P2RY8: variants seen among roughly 807,000 people sequenced by gnomAD.
P2RY8 encodes P2Y receptor family member 8.
Under a neutral mutation model 10.0 loss-of-function variants are expected in P2RY8, and 6 were observed. That is an observed-to-expected ratio of 0.60 (90% CI 0.33 to 1.19). P2RY8 has a LOEUF of 1.19. Among genes scored for constraint, P2RY8 ranks in the 50% most tolerant of loss-of-function variants. The pLI is 0.04. For synonymous variants in P2RY8, 276 were observed against 252.5 expected (o/e 1.09, Z -0.88); for missense variants, 456 against 542.0 (o/e 0.84, Z 1.58).
At chrX:1,521,944 C>CTT (rs751056296) in intron 1 of P2RY8, among the ~76,000 whole-genome samples, 1,167 of 38,922 alleles carry the variant, frequency 0.03, 172 homozygotes, top group African/African-American at 0.09. Context: ...CTCTCGCTCT[C>CTT]TTTTTTTTTT....
intron 1 of P2RY8, among the ~76,000 whole-genome samples, chrX:1,467,418 G>A (rs1208401288): frequency 3.9e-5 from 6 of 152,150 alleles, no homozygotes; most frequent in Non-Finnish European, 5.9e-5. Flanking sequence ...GTGCCCAGGT[G>A]TGAAACCTAC....
chrX:1,534,584 C>T lies in P2RY8; in HGVS notation c.-25+2337G>A, dbSNP rs144711714. Among the ~76,000 whole-genome samples the T allele has an allele frequency of 4.7e-3, 709 of 152,118 alleles. 9 individuals are homozygous for T. The highest frequency in any genetic ancestry group is 0.016 in the African/African-American group (683 of 41,474). ...GGACCCTGCCCCGCCCACCCCACTG[C>T]CTCTAGGGACAGAAGAGGGGCTGGG... is the stretch of plus-strand genomic sequence containing the variant. On this transcript the variant is annotated intron_variant, in intron 1 of 1. Transcript: ENST00000381297.
chrX:1,488,426 G>A (rs1254563107), intron 1 of P2RY8, among the ~76,000 whole-genome samples: 1 of 152,160 alleles, frequency 6.6e-6, no homozygotes, highest in Admixed American at 6.6e-5. Context: ...TCCCCACAGC[G>A]GTGGGACCAA....
chrX:1,514,705 T>C (rs868552980), intron 1 of P2RY8, among the ~76,000 whole-genome samples: 3 of 14,512 alleles, frequency 2.1e-4, no homozygotes, highest in Non-Finnish European at 4.9e-4. Context: ...CTTCCCTTCC[T>C]TCCCTTCCTT....
chrX:1,516,874 C>G lies in P2RY8; in HGVS notation c.-25+20047G>C, dbSNP rs191774231. Among the ~76,000 whole-genome samples, 706 of 151,356 alleles carry G rather than the reference C, an allele frequency of 4.7e-3. 4 individuals are homozygous for G. Among genetic ancestry groups the G allele is most frequent in the Non-Finnish European group, 7.8e-3 (531 of 67,882 alleles). ...TCAGGAGGAACCAGCCCTGCCCGTT[C>G]GCTGATCTCAGACTTCCAGCCTCCA... On this transcript the variant is annotated intron_variant, in intron 1 of 1. Coordinates refer to ENST00000381297, the MANE Select transcript of P2RY8 (RefSeq NM_178129.5).
chrX:1,518,544 C>A lies in P2RY8; in HGVS notation c.-25+18377G>T, dbSNP rs578060722. Among the ~76,000 whole-genome samples the A allele has an allele frequency of 3.3e-5, 5 of 151,572 alleles. No homozygotes were observed. In the South Asian group the frequency reaches 1.0e-3, roughly 32 times the overall value. On this transcript the variant is annotated intron_variant, in intron 1 of 1. Transcript: ENST00000381297. ...ATTCCCCAAAAGCTCCCTAGTCCCC[C>A]AAAACCTGTCTGTTTCCCCAAAATC...
At chrX:1,515,955 G>GGGA (rs1556684148) in intron 1 of P2RY8, among the ~76,000 whole-genome samples, 2 of 113,592 alleles carry the variant, frequency 1.8e-5, no homozygotes, top group African/African-American at 5.9e-5. Context: ...GTCGGGGGGT[G>GGGA]GTGGATCACC....
chrX:1,500,243 G>A (rs772260009), intron 1 of P2RY8, among the ~76,000 whole-genome samples: 6 of 151,556 alleles, frequency 4.0e-5, no homozygotes, highest in Non-Finnish European at 1.5e-5. Flanking sequence ...ATTCTTTTTG[G>A]TGTTATTGTT....
intron 1 of P2RY8, among the ~76,000 whole-genome samples, chrX:1,487,048 G>A (rs1435270674): frequency 1.3e-5 from 2 of 152,226 alleles, no homozygotes; most frequent in African/African-American, 4.8e-5. Flanking sequence ...TCCCTACCGG[G>A]GTGTCTGGGG....
Position 1,514,891 on chromosome X carries a change from C to T in P2RY8, c.-25+22030G>A, listed in dbSNP as rs1360516352. On this transcript the variant is annotated intron_variant, in intron 1 of 1. Coordinates refer to ENST00000381297, the MANE Select transcript of P2RY8 (RefSeq NM_178129.5). ...CCCTTCCCCTGTCTTCCTCTCCCCT[C>T]CCCTTCCCCTCCCCTCCCCTTCCCT... is the stretch of plus-strand genomic sequence containing the variant. Among the ~76,000 whole-genome samples the T allele has an allele frequency of 4.6e-4, 12 of 26,276 alleles. No homozygotes were observed. In the East Asian group the frequency reaches 7.1e-3, roughly 16 times the overall value. The allele number at this position is 26,276 out of a possible 152,430, so 17.2% of individuals were successfully genotyped here. A position where few individuals can be genotyped will look rare whatever the true frequency, so the allele number is the denominator to read the frequency against.
At chrX:1,485,441 TTAA>T (rs2091977764) in intron 1 of P2RY8, among the ~76,000 whole-genome samples, 1 of 152,120 alleles carries the variant, frequency 6.6e-6, no homozygotes, top group Non-Finnish European at 1.5e-5. Flanking sequence ...GCCCAGCCCC[TTAA>T]TGATGCCTTA....
chrX:1,495,527 C>A (rs1489704398), intron 1 of P2RY8, among the ~76,000 whole-genome samples: 1 of 149,582 alleles, frequency 6.7e-6, no homozygotes, highest in African/African-American at 2.5e-5. Context: ...AGGAACCAGC[C>A]CTGCCCATAC....
chrX:1,518,266 A>G (rs2092365503), intron 1 of P2RY8, among the ~76,000 whole-genome samples: 1 of 150,686 alleles, frequency 6.6e-6, no homozygotes, highest in South Asian at 2.1e-4. Flanking sequence ...TCTCTACTAA[A>G]AATACAAAAA....
At chrX:1,524,563 A>G (rs2092420207) in intron 1 of P2RY8, among the ~76,000 whole-genome samples, 2 of 135,778 alleles carry the variant, frequency 1.5e-5, no homozygotes, top group African/African-American at 5.4e-5. Context: ...GCATGCATCC[A>G]TCCATCCATC....
intron 1 of P2RY8, among the ~76,000 whole-genome samples, chrX:1,525,788 A>C (rs1249476453): frequency 2.6e-5 from 4 of 151,920 alleles, no homozygotes; most frequent in African/African-American, 7.3e-5. Flanking sequence ...CCATCCATCC[A>C]TCCATTTATC....
At chrX:1,502,971 A>C (rs2092194664) in intron 1 of P2RY8, among the ~76,000 whole-genome samples, 1 of 152,110 alleles carries the variant, frequency 6.6e-6, no homozygotes, top group African/African-American at 2.4e-5. Context: ...TAGAGCCCAG[A>C]ACCTGGAATG....
chrX:1,469,090 CT>C (rs1265458116), intron 1 of P2RY8, among the ~76,000 whole-genome samples: 1 of 30,232 alleles, frequency 3.3e-5, no homozygotes, highest in Admixed American at 3.4e-4. Context: ...CCTCTCTCCT[CT>C]CCTTCCCTCT....
At chrX:1,501,889 G>A (rs1188166270) in intron 1 of P2RY8, among the ~76,000 whole-genome samples, 11 of 151,712 alleles carry the variant, frequency 7.3e-5, no homozygotes, top group East Asian at 3.9e-4. Context: ...CACCACGCCC[G>A]GCGAGTTTTC....
At chrX:1,467,219 G>A (rs2091698016) in intron 1 of P2RY8, among the ~76,000 whole-genome samples, 3 of 152,098 alleles carry the variant, frequency 2.0e-5, no homozygotes, top group Non-Finnish European at 4.4e-5. Flanking sequence ...AGACCAACCC[G>A]CAGCCTCCAA....
Sources: allele counts gnomAD v4.1 joint callset (sites outside exome capture counted in the v4.1 genomes callset), GRCh38; gene constraint gnomAD v4.1.1; transcripts MANE v1.5; gene names NCBI Gene and HGNC (gene_info 2026-07-23, HGNC 2026-07-21).